Variants in ZRANB3 observed in about 807,000 individuals in gnomAD.
ZRANB3 encodes DNA annealing helicase and endonuclease ZRANB3.
Under a neutral mutation model 133.8 loss-of-function variants are expected in ZRANB3, and 125 were observed. The ratio of observed to expected loss-of-function variants is 0.93; its 90% CI spans 0.81 to 1.08. The LOEUF is 1.08. Ranked by LOEUF, ZRANB3 falls within the 50% of genes least tolerant of loss-of-function variation. The pLI is 0.00. For missense variants in ZRANB3, 1,229 were observed against 1,275.5 expected, an observed-to-expected ratio of 0.96 and a Z score of 0.56; for synonymous variants, 387 against 432.7, an observed-to-expected ratio of 0.89 and a Z score of 1.31.
chr2:135,472,682 A>G (rs1196825872), intron 2 of ZRANB3, among the ~76,000 whole-genome samples: 1 of 152,122 alleles, frequency 6.6e-6, no homozygotes, highest in African/African-American at 2.4e-5. Flanking sequence ...ATTCTCATGG[A>G]AGGCAGAGTG....
At chr2:135,427,411 C>T (rs1689139496) in intron 2 of ZRANB3, among the ~76,000 whole-genome samples, 1 of 152,100 alleles carries the variant, frequency 6.6e-6, no homozygotes, top group South Asian at 2.1e-4. Context: ...CATTTCTATA[C>T]ACAAACAATG....
intron 8 of ZRANB3, among the ~76,000 whole-genome samples, chr2:135,309,288 C>T (rs1228844409): frequency 2.0e-5 from 3 of 152,092 alleles, no homozygotes; most frequent in Non-Finnish European, 4.4e-5. Flanking sequence ...GCCGCAATAA[C>T]ATCATATTTA....
chr2:135,363,199 C>T (rs564558604), intron 3 of ZRANB3, among the ~76,000 whole-genome samples: 25 of 152,134 alleles, frequency 1.6e-4, no homozygotes, highest in Non-Finnish European at 3.2e-4. Context: ...GACAGGATCT[C>T]GCACTGTTGC....
rs1165545048 is a variant in ZRANB3, at chr2:135,200,182, A to G, written c.*160T>C. 1.5e-6 allele frequency: 1 copy of G among 679,738 alleles called. No individual in the cohort carries two copies. Among genetic ancestry groups the G allele is most frequent in the Non-Finnish European group, 2.6e-6 (1 of 382,610 alleles). 42.1% of individuals were successfully genotyped at this position (679,738 alleles called of 1,614,324 possible). ...TTAGTTTCTGTTAAGTACTTTCAAAATGTATTTAATACTAAAAGTAATTAG... is the reference window on the plus strand; with the variant it reads ...TTAGTTTCTGTTAAGTACTTTCAAAGTGTATTTAATACTAAAAGTAATTAG... On this transcript the variant is annotated 3_prime_UTR_variant, in exon 21 of 21. Coordinates refer to ENST00000264159, the MANE Select transcript of ZRANB3 (RefSeq NM_032143.4).
intron 2 of ZRANB3, among the ~76,000 whole-genome samples, chr2:135,496,649 A>C (rs1055144428): frequency 3.9e-5 from 6 of 152,184 alleles, no homozygotes; most frequent in Non-Finnish European, 7.4e-5. Flanking sequence ...GGCAGAGCTG[A>C]ACTCGATATT....
At chr2:135,462,531 C>T (rs1690805418) in intron 2 of ZRANB3, among the ~76,000 whole-genome samples, 1 of 151,624 alleles carries the variant, frequency 6.6e-6, no homozygotes, top group African/African-American at 2.4e-5. Context: ...AATTTTCTTC[C>T]TTTCTTTCCC....
chr2:135,406,766 C>A (rs967801723), intron 2 of ZRANB3, among the ~76,000 whole-genome samples: 2 of 152,148 alleles, frequency 1.3e-5, no homozygotes, highest in African/African-American at 2.4e-5. Flanking sequence ...TGACAAAATT[C>A]AACAACCCTT....
intron 2 of ZRANB3, among the ~76,000 whole-genome samples, chr2:135,429,820 A>C (rs1360949278): frequency 6.6e-6 from 1 of 152,258 alleles, no homozygotes; most frequent in African/African-American, 2.4e-5. Context: ...TTTAAACTAT[A>C]TTCATGTAAA....
At chr2:135,270,976 A>T (rs1273835467) in intron 10 of ZRANB3, among the ~76,000 whole-genome samples, 2 of 152,172 alleles carry the variant, frequency 1.3e-5, no homozygotes, top group African/African-American at 2.4e-5. Flanking sequence ...ATTCCTTTGT[A>T]ACATAACACC....
chr2:135,211,639 A>T (rs1003812891), intron 17 of ZRANB3, among the ~76,000 whole-genome samples: 1 of 152,120 alleles, frequency 6.6e-6, no homozygotes, highest in Non-Finnish European at 1.5e-5. Flanking sequence ...CATATACACT[A>T]ATCTTCACCT....
chr2:135,282,321 T>C (rs1391520297), intron 8 of ZRANB3, among the ~76,000 whole-genome samples: 1 of 152,216 alleles, frequency 6.6e-6, no homozygotes, highest in African/African-American at 2.4e-5. Flanking sequence ...TGTCTTCCGG[T>C]ATCCCTTCCC....
chr2:135,449,810 T>A (rs1690185953), intron 2 of ZRANB3, among the ~76,000 whole-genome samples: 1 of 152,180 alleles, frequency 6.6e-6, no homozygotes, highest in Non-Finnish European at 1.5e-5. Flanking sequence ...CAGGCTACAG[T>A]GCAGTGACAA....
chr2:135,271,863 T>C lies in ZRANB3; in HGVS notation c.1111A>G (p.Ser371Gly). 1 of 1,613,664 alleles carries C rather than the reference T, an allele frequency of 6.2e-7. No homozygotes were observed. The highest frequency in any genetic ancestry group is 8.5e-7 in the Non-Finnish European group (1 of 1,179,778). ...NKTRYIRIDG[S>G]VSSSERIHLV... ...TGTATTCTTTCTGAAGATGAAACAC[T>C]TCCATCTATCCTAATGTAACGAGTC... Residue 371 changes from serine to glycine, a missense_variant, in exon 10 of 21, where the codon AGT (serine) becomes GGT (glycine). Coordinates refer to ENST00000264159, the MANE Select transcript of ZRANB3 (RefSeq NM_032143.4).
intron 6 of ZRANB3, among the ~76,000 whole-genome samples, chr2:135,330,453 G>A (rs1317588290): frequency 6.6e-6 from 1 of 152,070 alleles, no homozygotes; most frequent in African/African-American, 2.4e-5. Flanking sequence ...TGGATTGTTT[G>A]CCAGTATTTT....
chr2:135,315,258 A>G (rs1683195483), intron 7 of ZRANB3, 101 bp downstream of exon 7: 34 of 1,178,680 alleles, frequency 2.9e-5, no homozygotes, highest in Non-Finnish European at 3.7e-5. Context: ...ATTTTAAGAA[A>G]GCAAACCTTT....
At chr2:135,202,667 C>G in intron 20 of ZRANB3, 165 bp downstream of exon 20, 1 of 719,146 alleles carries the variant, frequency 1.4e-6, no homozygotes, top group South Asian at 2.6e-5. Flanking sequence ...ATCTGTGACA[C>G]GGGCCTTGAG....
chr2:135,527,241 C>G (rs1694201834), intron 1 of ZRANB3, among the ~76,000 whole-genome samples: 1 of 152,106 alleles, frequency 6.6e-6, no homozygotes, highest in Non-Finnish European at 1.5e-5. Context: ...TCAGAGAAGA[C>G]TCAGGGTCAC....
intron 11 of ZRANB3, among the ~76,000 whole-genome samples, chr2:135,267,413 C>G (rs1029517104): frequency 6.6e-6 from 1 of 152,046 alleles, no homozygotes; most frequent in South Asian, 2.1e-4. Context: ...TGGATTAATC[C>G]ATTCATAAGG....
At chr2:135,237,349 T>G (rs1411510289) in intron 12 of ZRANB3, among the ~76,000 whole-genome samples, 1 of 151,850 alleles carries the variant, frequency 6.6e-6, no homozygotes, top group East Asian at 1.9e-4. Context: ...GGTGGGACTG[T>G]AAACTAGTTC....
Sources: gnomAD v4.1 joint callset for allele counts (sites outside exome capture counted in the v4.1 genomes callset) on GRCh38, gnomAD v4.1.1 for gene constraint, MANE v1.5 for transcripts, NCBI Gene and HGNC (gene_info 2026-07-23, HGNC 2026-07-21) for gene names.